RYR1: variants seen among roughly 807,000 people sequenced by gnomAD.
RYR1 encodes ryanodine receptor 1, also known as central core disease of muscle.
In RYR1, 342 loss-of-function variants were observed where a neutral mutation model predicts 583.5. That is an observed-to-expected ratio of 0.59 (90% CI 0.54 to 0.64). The LOEUF (loss-of-function observed/expected upper bound fraction) is 0.64, where lower values mean the gene tolerates loss of function less well. Among genes scored for constraint, RYR1 ranks in the 30% least tolerant of loss-of-function variants. RYR1 has a pLI of 0.00. For synonymous variants in RYR1, 2,791 were observed against 2,822.5 expected (o/e 0.99, Z 0.35); for missense variants, 6,032 against 6,917.2 (o/e 0.87, Z 4.54).
At position 38,473,448 on chromosome 19, in the gene RYR1, G is replaced by C; in HGVS notation, c.3837G>C (p.Gln1279His). The change falls in exon 28 of 106, where the codon CAG becomes CAC. Residue 1279 changes from glutamine (Q) to histidine (H), a missense_variant. By Grantham distance (24) the Gln-to-His change is conservative. This residue lies in a region of RYR1 where 2,627 missense variants were observed against 2,961.3 expected (regional missense o/e 0.89). Transcript: ENST00000359596. ...TGACCCACCGCACCTGGGGCTCCCAGAACAGCCTGGTGGAGATGCTTTTCC... is the reference window on the plus strand; with the variant it reads ...TGACCCACCGCACCTGGGGCTCCCACAACAGCCTGGTGGAGATGCTTTTCC... ...LRLTHRTWGS[Q>H]NSLVEMLFLR... 3.1e-6 allele frequency: 5 copies of C among 1,613,978 alleles called. No homozygotes were observed. Among genetic ancestry groups the C allele is most frequent in the Non-Finnish European group, 4.2e-6 (5 of 1,179,964 alleles).
chr19:38,441,151 T>C (rs1014193053), intron 2 of RYR1, among the ~76,000 whole-genome samples: 12 of 146,718 alleles, frequency 8.2e-5, no homozygotes, highest in Non-Finnish European at 1.2e-4. Flanking sequence ...GGTGGCTGAG[T>C]GGGCAGAAAG....
intron 70 of RYR1, 81 bp from the exon 71 acceptor site, chr19:38,525,251 G>A (rs1170438993): frequency 1.3e-6 from 2 of 1,557,512 alleles, no homozygotes; most frequent in East Asian, 2.2e-5. Context: ...ACTGGGGCCT[G>A]GGGTGTGGAT....
Position 38,465,184 on chromosome 19 carries a change from G to C in RYR1, c.2870+462G>C, listed in dbSNP as rs551827295. On this transcript the variant is annotated intron_variant, in intron 23 of 105. Transcript: ENST00000359596. Reference sequence around the variant, plus strand: ...ACTGGGATCAGAGTAAGAAACCTCAGAGTGGGCTGGGTGAGGTGGCTCACA... The same window carrying C: ...ACTGGGATCAGAGTAAGAAACCTCACAGTGGGCTGGGTGAGGTGGCTCACA... Among the ~76,000 whole-genome samples the C allele has an allele frequency of 4.6e-5, 7 of 152,230 alleles. No homozygotes were observed. In the South Asian group the frequency reaches 1.5e-3, roughly 32 times the overall value.
At chr19:38,446,378 C>T in intron 7 of RYR1, 94 bp from the exon 8 acceptor site, 2 of 937,212 alleles carry the variant, frequency 2.1e-6, no homozygotes, top group South Asian at 2.7e-5. Flanking sequence ...TCAGGTTCCC[C>T]CAGGGGAGGA....
In RYR1 at chr19:38,502,904, G is replaced by A. The variant is rs147587000; in HGVS notation, c.7860G>A (p.Gln2620=). Reference sequence around the variant, plus strand: ...GGTACATCCGCCCGTCGATGCTGCAGCACCTGTTGCGCCGCCTGGTGTTCG... The same window carrying A: ...GGTACATCCGCCCGTCGATGCTGCAACACCTGTTGCGCCGCCTGGTGTTCG... ...LCRYIRPSML[Q]HLLRRLVFDV... Residue 2620 remains glutamine (Q), a synonymous_variant, in exon 49 of 106, where the codon CAG becomes CAA. Transcript: ENST00000359596. The A allele has an allele frequency of 1.6e-4, 254 of 1,611,824 alleles. 1 individual carries two copies. In the African/African-American group the frequency reaches 2.6e-3, roughly 16 times the overall value.
intron 13 of RYR1, 47 bp downstream of exon 13, chr19:38,453,061 G>T: frequency 6.3e-7 from 1 of 1,597,700 alleles, no homozygotes; most frequent in South Asian, 1.1e-5. Flanking sequence ...CCCAGGGGGC[G>T]GGACCACTGA....
chr19:38,528,798 G>T, intron 75 of RYR1, 103 bp downstream of exon 75: 20 of 1,428,920 alleles, frequency 1.4e-5, no homozygotes, highest in Non-Finnish European at 1.9e-5. Context: ...ACATCAAGGG[G>T]TATAGAAATG....
At chr19:38,433,904 G>C (rs1186175377) in intron 1 of RYR1, 30 bp downstream of exon 1, 1 of 1,603,174 alleles carries the variant, frequency 6.2e-7, no homozygotes, top group East Asian at 2.2e-5. Flanking sequence ...GGGCCTGTGG[G>C]GCTATCTCTT....
chr19:38,447,033 G>C (rs376663968), intron 9 of RYR1, among the ~76,000 whole-genome samples: 2 of 151,566 alleles, frequency 1.3e-5, no homozygotes, highest in East Asian at 3.9e-4. Flanking sequence ...TGAGACCCCC[G>C]TCTCTGCAAA....
In RYR1 at chr19:38,535,235, G is replaced by A; in HGVS notation, c.11439+15G>A. 6.2e-7 allele frequency: 1 copy of A among 1,614,086 alleles called. No individual in the cohort carries two copies. Among genetic ancestry groups the A allele is most frequent in the Non-Finnish European group, 8.5e-7 (1 of 1,179,976 alleles). On this transcript the variant is annotated intron_variant, in intron 80 of 105. Transcript: ENST00000359596. ...AGGTCCAGCAGGTAACAGAGGCAAA[G>A]GGACTTCAGAAGAAGGCAAGGAGGG...
intron 27 of RYR1, among the ~76,000 whole-genome samples, chr19:38,470,436 T>C (rs1968362634): frequency 1.4e-5 from 2 of 142,112 alleles, no homozygotes; most frequent in Non-Finnish European, 3.0e-5. Flanking sequence ...CCCTGTCTCA[T>C]TGAAAAAAAA....
At chr19:38,581,298 C>T (rs1026995617) in intron 101 of RYR1, among the ~76,000 whole-genome samples, 3 of 152,110 alleles carry the variant, frequency 2.0e-5, no homozygotes, top group Non-Finnish European at 4.4e-5. Flanking sequence ...AGGATGGTCT[C>T]GATCTCCTGA....
chr19:38,566,713 G>A (rs1231952360), intron 91 of RYR1, among the ~76,000 whole-genome samples, 198 bp from the exon 92 acceptor site: 4 of 152,126 alleles, frequency 2.6e-5, no homozygotes, highest in African/African-American at 7.2e-5. Context: ...AGTGCTTTGG[G>A]CAAAGGGCTT....
rs756481315 is a variant in RYR1 at position 38,483,446 on chromosome 19, C to T, written c.4864C>T (p.Arg1622Trp). 1.0e-5 allele frequency: 16 copies of T among 1,572,618 alleles called. No homozygotes were observed. Among genetic ancestry groups the T allele is most frequent in the African/African-American group, 2.7e-5 (2 of 74,382 alleles). The change falls in exon 33 of 106, where the codon CGG (arginine) becomes TGG (tryptophan). Residue 1622 changes from arginine (R) to tryptophan (W), a missense_variant. Around this residue, in one of 11 missense-constraint regions of RYR1, gnomAD observed 2,627 missense variants for 2,961.3 expected, o/e 0.89. Transcript: ENST00000359596. The surrounding 1 kb of genome is among the most constrained non-coding windows in gnomAD (Gnocchi z 6.3). ...LQVETRRAGE[R>W]LGWAVQCQEP... ...GGTGGAGACGAGGCGTGCCGGCGAG[C>T]GGCTGGGCTGGGCCGTGCAGTGCCA...
intron 42 of RYR1, 64 bp downstream of exon 42, chr19:38,497,018 G>A: frequency 7.2e-7 from 1 of 1,382,180 alleles, no homozygotes; most frequent in Non-Finnish European, 1.0e-6. Context: ...CCGGCTGCTT[G>A]GGACACCTGC....
intron 70 of RYR1, 27 bp from the exon 71 acceptor site, chr19:38,525,305 C>T (rs768470451): frequency 1.3e-6 from 2 of 1,596,708 alleles, no homozygotes; most frequent in East Asian, 2.3e-5. Flanking sequence ...GGGGCTTGGG[C>T]TGGTGCTGAG....
chr19:38,515,503 T>C (rs1196020182), intron 64 of RYR1, among the ~76,000 whole-genome samples: 1 of 152,160 alleles, frequency 6.6e-6, no homozygotes, highest in East Asian at 1.9e-4. Flanking sequence ...GTTATTCAGA[T>C]TTCAAGTGAC....
intron 89 of RYR1, among the ~76,000 whole-genome samples, chr19:38,551,267 G>A (rs1015704480): frequency 6.6e-6 from 1 of 151,316 alleles, no homozygotes; most frequent in Non-Finnish European, 1.5e-5. Flanking sequence ...GGCTGGTCTC[G>A]AACTCCCGAC....
chr19:38,485,502 GATGAAGGAA>G (rs1969233337), intron 33 of RYR1, 79 bp from the exon 34 acceptor site: 3 of 1,540,354 alleles, frequency 1.9e-6, no homozygotes, highest in Non-Finnish European at 2.7e-6. Context: ...GGTGGATAGT[GATGAAGGAA>G]ATGGAGGAAG....
Sources: allele counts gnomAD v4.1 joint callset (sites outside exome capture counted in the v4.1 genomes callset), GRCh38; gene constraint gnomAD v4.1.1; regional missense constraint gnomAD v4.1.1; non-coding constraint Gnocchi (gnomAD v3.1); transcripts MANE v1.5; gene names NCBI Gene and HGNC (gene_info 2026-07-23, HGNC 2026-07-21).